Variants in UBE2E2 observed in about 807,000 individuals in gnomAD.
UBE2E2 encodes the protein ubiquitin-conjugating enzyme E2 E2.
In UBE2E2, 6 loss-of-function variants were observed where a neutral mutation model predicts 24.7. The ratio of observed to expected loss-of-function variants is 0.24; its 90% CI spans 0.13 to 0.48. UBE2E2 has a LOEUF of 0.48. UBE2E2 is among the 20% of genes least tolerant of loss of function. The pLI is 0.99. For missense variants in UBE2E2, 169 were observed against 245.0 expected, an observed-to-expected ratio of 0.69 and a Z score of 2.07; for synonymous variants, 104 against 83.6, an observed-to-expected ratio of 1.24 and a Z score of -1.33.
intron 3 of UBE2E2, among the ~76,000 whole-genome samples, chr3:23,333,195 T>C (rs934395079): frequency 1.3e-5 from 2 of 152,206 alleles, no homozygotes; most frequent in African/African-American, 4.8e-5. Context: ...CATGGAGGCA[T>C]GTCAAATGCA....
At chr3:23,427,752 G>T (rs1697962205) in intron 3 of UBE2E2, among the ~76,000 whole-genome samples, 1 of 152,148 alleles carries the variant, frequency 6.6e-6, no homozygotes, top group Admixed American at 6.5e-5. Flanking sequence ...CTAATCCAAA[G>T]AAAGTGGGAG....
At chr3:23,353,178 T>C (rs1213373278) in intron 3 of UBE2E2, among the ~76,000 whole-genome samples, 1 of 152,144 alleles carries the variant, frequency 6.6e-6, no homozygotes, top group African/African-American at 2.4e-5. Context: ...TTTGACAAAA[T>C]TCAACAACAC....
chr3:23,262,282 C>G (rs531467266), intron 3 of UBE2E2, among the ~76,000 whole-genome samples: 2 of 152,108 alleles, frequency 1.3e-5, no homozygotes, highest in Admixed American at 6.5e-5. Flanking sequence ...GGGCTCTTAC[C>G]AATTTTTTAA....
At chr3:23,588,410 G>GTTTTTTTTTTTTTTGTTTTTTTTT (rs199679364) in intron 5 of UBE2E2, among the ~76,000 whole-genome samples, 1 of 130,064 alleles carries the variant, frequency 7.7e-6, no homozygotes, top group Non-Finnish European at 1.6e-5. Context: ...TTGTTTTTTT[G>GTTTTTTTTTTTTTTGTTTTTTTTT]TTTTTTTTTT....
intron 3 of UBE2E2, among the ~76,000 whole-genome samples, chr3:23,288,924 G>A (rs1035331290): frequency 3.3e-5 from 5 of 152,214 alleles, no homozygotes; most frequent in African/African-American, 4.8e-5. Flanking sequence ...CCACGTGGCT[G>A]CTGCTGGGGC....
intron 3 of UBE2E2, among the ~76,000 whole-genome samples, chr3:23,377,938 T>C (rs1263865875): frequency 2.6e-5 from 4 of 152,194 alleles, no homozygotes; most frequent in African/African-American, 9.7e-5. Context: ...TTCCTAAAAA[T>C]GACTAGATAT....
intron 4 of UBE2E2, among the ~76,000 whole-genome samples, chr3:23,519,793 C>G (rs1469652465): frequency 1.3e-5 from 2 of 152,250 alleles, no homozygotes; most frequent in African/African-American, 4.8e-5. Flanking sequence ...CTTCCCTCCT[C>G]AACCTTCTGA....
At chr3:23,433,425 GT>G (rs1698111716) in intron 3 of UBE2E2, among the ~76,000 whole-genome samples, 1 of 151,962 alleles carries the variant, frequency 6.6e-6, no homozygotes, top group South Asian at 2.1e-4. Context: ...TTAATGAAGT[GT>G]TTTAATGCAG....
intron 3 of UBE2E2, among the ~76,000 whole-genome samples, chr3:23,484,970 T>A (rs1185352955): frequency 6.6e-6 from 1 of 152,154 alleles, no homozygotes; most frequent in African/African-American, 2.4e-5. Context: ...TCAAGCCATA[T>A]CAGTGGGTAA....
At chr3:23,366,262 G>A (rs1190679844) in intron 3 of UBE2E2, among the ~76,000 whole-genome samples, 5 of 152,104 alleles carry the variant, frequency 3.3e-5, no homozygotes, top group East Asian at 1.9e-4. Context: ...GCAATTTCTT[G>A]AAGAACTTAA....
chr3:23,468,186 C>T (rs992397747), intron 3 of UBE2E2, among the ~76,000 whole-genome samples: 2 of 152,188 alleles, frequency 1.3e-5, no homozygotes, highest in Admixed American at 6.5e-5. Context: ...ATTTCTCCTG[C>T]CCACCTCCTT....
At chr3:23,395,207 CT>C (rs149498035) in intron 3 of UBE2E2, among the ~76,000 whole-genome samples, 119 of 152,298 alleles carry the variant, frequency 7.8e-4, no homozygotes, top group African/African-American at 2.8e-3. Flanking sequence ...TCCCTCACAG[CT>C]TTCCTCTTAA....
intron 1 of UBE2E2, among the ~76,000 whole-genome samples, chr3:23,207,070 A>G (rs1696167383): frequency 6.6e-6 from 1 of 152,212 alleles, no homozygotes; most frequent in Non-Finnish European, 1.5e-5. Context: ...ATAGCTATAC[A>G]GTGCTGAAAG....
intron 3 of UBE2E2, among the ~76,000 whole-genome samples, chr3:23,237,772 A>G (rs1366861547): frequency 6.6e-6 from 1 of 152,132 alleles, no homozygotes; most frequent in Non-Finnish European, 1.5e-5. Flanking sequence ...GCCACCATCA[A>G]TAGTTTAGGA....
chr3:23,534,221 C>T, intron 5 of UBE2E2: 4 of 982,858 alleles, frequency 4.1e-6, no homozygotes, highest in Non-Finnish European at 4.8e-6. Context: ...CTGAATAAGC[C>T]TGTATATGAC....
intron 3 of UBE2E2, among the ~76,000 whole-genome samples, chr3:23,323,279 A>C (rs1694793714): frequency 6.6e-6 from 1 of 152,104 alleles, no homozygotes; most frequent in African/African-American, 2.4e-5. Flanking sequence ...TTATAACTTT[A>C]ATAATTTGCT....
intron 3 of UBE2E2, among the ~76,000 whole-genome samples, chr3:23,380,825 C>T (rs1053888133): frequency 6.6e-6 from 1 of 151,944 alleles, no homozygotes; most frequent in African/African-American, 2.4e-5. Flanking sequence ...TTTTTTTGAG[C>T]TGCCATGAGA....
chr3:23,219,218 A>T (rs1696559828), intron 3 of UBE2E2, among the ~76,000 whole-genome samples: 1 of 152,140 alleles, frequency 6.6e-6, no homozygotes, highest in South Asian at 2.1e-4. Context: ...GCAGAGAGAA[A>T]GGTTATTTAC....
At chr3:23,401,945 C>T (rs1315824539) in intron 3 of UBE2E2, among the ~76,000 whole-genome samples, 1 of 150,234 alleles carries the variant, frequency 6.7e-6, no homozygotes, top group Non-Finnish European at 1.5e-5. Context: ...CAACCTCTAC[C>T]TCCTGGGTTC....
Sources: allele counts gnomAD v4.1 joint callset (sites outside exome capture counted in the v4.1 genomes callset), GRCh38; gene constraint gnomAD v4.1.1; transcripts MANE v1.5; gene names NCBI Gene and HGNC (gene_info 2026-07-23, HGNC 2026-07-21).